TASOR: variants seen among roughly 807,000 people sequenced by gnomAD.
TASOR encodes the protein protein TASOR.
TASOR carries 53 observed loss-of-function variants against 178.6 expected under a neutral mutation model. The ratio of observed to expected loss-of-function variants is 0.30; its 90% CI spans 0.24 to 0.37. The LOEUF is 0.37. Among genes scored for constraint, TASOR ranks in the 10% least tolerant of loss-of-function variants. TASOR has a pLI of 1.00. For missense variants in TASOR, 1,815 were observed against 1,971.4 expected (o/e 0.92, Z 1.50); for synonymous variants, 713 against 696.2 (o/e 1.02, Z -0.38).
intron 6 of TASOR, among the ~76,000 whole-genome samples, chr3:56,667,033 T>C (rs2107622044): frequency 6.6e-6 from 1 of 152,188 alleles, no homozygotes; most frequent in East Asian, 1.9e-4. Flanking sequence ...ACTATTGATT[T>C]CAATAATGTT....
At chr3:56,676,696 T>TTA (rs2031329458) in intron 1 of TASOR, among the ~76,000 whole-genome samples, 1 of 152,210 alleles carries the variant, frequency 6.6e-6, no homozygotes, top group Non-Finnish European at 1.5e-5. Flanking sequence ...GAAATTTTCA[T>TTA]TAGTTAAGCT....
intron 14 of TASOR, among the ~76,000 whole-genome samples, chr3:56,642,959 G>A (rs1047072622): frequency 6.6e-6 from 1 of 151,808 alleles, no homozygotes; most frequent in Admixed American, 6.6e-5. Flanking sequence ...CTGGGCAACA[G>A]AGCGAGACTC....
chr3:56,641,247 T>C, intron 15 of TASOR, 102 bp downstream of exon 15: 1 of 1,228,820 alleles, frequency 8.1e-7, no homozygotes, highest in Non-Finnish European at 1.1e-6. Flanking sequence ...GTGCATTTTA[T>C]TTCTTTTTCA....
intron 11 of TASOR, among the ~76,000 whole-genome samples, chr3:56,652,709 G>T (rs1384622216): frequency 1.3e-5 from 2 of 152,062 alleles, no homozygotes; most frequent in East Asian, 3.8e-4. Flanking sequence ...ACTTCTGAAA[G>T]ACTTAACAAG....
At chr3:56,632,484 A>C (rs956266278) in intron 18 of TASOR, among the ~76,000 whole-genome samples, 24 of 137,014 alleles carry the variant, frequency 1.8e-4, no homozygotes, top group Non-Finnish European at 3.6e-4. Flanking sequence ...CAAAAAAAAA[A>C]ACAAAAATCC....
At position 56,620,421 on chromosome 3, in the gene TASOR, A is replaced by G. The variant is rs1359012493; in HGVS notation, c.*2616T>C. ...TCTCTGATTAAAACAAACAGGTAAC[A>G]TCCTTACACCTTTGCTCCATCCCTT... On this transcript the variant is annotated 3_prime_UTR_variant, in exon 24 of 24. Transcript: ENST00000683822. 3 of 153,326 alleles carry G rather than the reference A, an allele frequency of 2.0e-5. No individual in the cohort carries two copies. Among genetic ancestry groups the G allele is most frequent in the Admixed American group, 1.9e-4 (3 of 15,432 alleles). The allele number at this position is 153,326 out of a possible 1,614,324, so 9.5% of individuals were successfully genotyped here.
In TASOR at chr3:56,623,164, C is replaced by G. The variant is rs755509938; in HGVS notation, c.4886G>C (p.Ser1629Thr). 6.2e-7 allele frequency: 1 copy of G among 1,613,762 alleles called. No homozygotes were observed. Among genetic ancestry groups the G allele is most frequent in the South Asian group, 1.1e-5 (1 of 91,070 alleles). Residue 1629 changes from serine to threonine, a missense_variant, in exon 24 of 24, where the codon AGT becomes ACT. Physicochemically the swap from Ser to Thr is moderately conservative, Grantham distance 58. Around this residue, in one of 5 missense-constraint regions of TASOR, gnomAD observed 278 missense variants for 257.1 expected, o/e 1.08. Coordinates refer to ENST00000683822, the MANE Select transcript of TASOR (RefSeq NM_001365635.2). Reference sequence around the variant, plus strand: ...GTAATTCTCATTTTCTTGAGACTGACTTGATGAAAGGGCATATGGTGTCCC... The same window carrying G: ...GTAATTCTCATTTTCTTGAGACTGAGTTGATGAAAGGGCATATGGTGTCCC... ...FLGTPYALSSSQSQENENYFL... is the reference protein window; with the variant it reads ...FLGTPYALSSTQSQENENYFL...
intron 8 of TASOR, among the ~76,000 whole-genome samples, chr3:56,662,845 T>A (rs556849832): frequency 2.6e-5 from 4 of 152,180 alleles, no homozygotes; most frequent in Non-Finnish European, 2.9e-5. Flanking sequence ...ATGCCTACAG[T>A]GTCCTGTATC....
chr3:56,681,020 T>C (rs1437169675), intron 1 of TASOR, among the ~76,000 whole-genome samples: 4 of 151,672 alleles, frequency 2.6e-5, no homozygotes, highest in Non-Finnish European at 5.9e-5. Flanking sequence ...CAGTTCCTAC[T>C]GCCTTCCCAC....
Position 56,647,128 on chromosome 3 carries a change from G to A in TASOR, c.1609C>T (p.Gln537Ter). 6.2e-7 allele frequency: 1 copy of A among 1,605,098 alleles called. No individual in the cohort carries two copies. The highest frequency in any genetic ancestry group is 8.5e-7 in the Non-Finnish European group (1 of 1,178,000). ...IAQFLQFSLI[Q>*]CRKEFKNISA... The stretch of plus-strand genomic sequence containing the variant: ...ATATTTTTGAATTCCTTTCGACACT[G>A]AATCAAAGAAAATTGTAAAAACTGA... Residue 537 changes from glutamine (Q) to a stop codon, truncating the protein, a stop_gained, in exon 14 of 24, where the codon CAG becomes TAG. Coordinates refer to ENST00000683822, the MANE Select transcript of TASOR (RefSeq NM_001365635.2). LOFTEE classifies it high-confidence loss of function.
intron 7 of TASOR, among the ~76,000 whole-genome samples, chr3:56,665,494 C>G (rs918731181): frequency 6.6e-6 from 1 of 152,030 alleles, no homozygotes; most frequent in African/African-American, 2.4e-5. Context: ...GTAGCTAGGA[C>G]TACAGGCACG....
In TASOR at chr3:56,683,261, C is replaced by CG. The variant is rs150516624; in HGVS notation, c.-256dup. The stretch of plus-strand genomic sequence containing the variant: ...CTGCCTTCCCCCGCCACTCAACGTG[C>CG]GCGCGTCGGGGCCGGGAGGGGGCGG... On this transcript the variant is annotated 5_prime_UTR_variant, in exon 1 of 24. Coordinates refer to ENST00000683822, the MANE Select transcript of TASOR (RefSeq NM_001365635.2). 0.05 allele frequency: 20,471 copies of CG among 410,668 alleles called. 603 individuals carry two copies. Among genetic ancestry groups the CG allele is most frequent in the East Asian group, 0.092 (2,473 of 26,920 alleles). 25.4% of individuals were successfully genotyped at this position (410,668 alleles called of 1,614,324 possible).
rs1172311699 is a variant in TASOR, at chr3:56,662,386, G to A, written c.1159C>T (p.Leu387=). The A allele has an allele frequency of 6.5e-7, 1 of 1,528,512 alleles. No individual in the cohort carries two copies. The highest frequency in any genetic ancestry group is 8.9e-7 in the Non-Finnish European group (1 of 1,126,966). The allele number at this position is 1,528,512 out of a possible 1,614,324, so 94.7% of individuals were successfully genotyped here. Residue 387 remains leucine, a splice_region_variant and synonymous_variant, in exon 9 of 24, where the codon CTA becomes TTA. Transcript: ENST00000683822. The part of the protein sequence containing the change: ...SATRAFLPIK[L]PEKLDVETVM... ...GAACTGCTCTTTACTTATACTTACAGTTTGATAGGCAAAAAAGCACGAGTG... is the reference window on the plus strand; with the variant it reads ...GAACTGCTCTTTACTTATACTTACAATTTGATAGGCAAAAAAGCACGAGTG...
intron 5 of TASOR, among the ~76,000 whole-genome samples, chr3:56,668,979 A>AC (rs1201253804): frequency 6.6e-6 from 1 of 152,114 alleles, no homozygotes; most frequent in Non-Finnish European, 1.5e-5. Context: ...TCTCCAAAAA[A>AC]TAAATAAAAT....
chr3:56,623,871 G>T, intron 23 of TASOR: 1 of 1,529,844 alleles, frequency 6.5e-7, no homozygotes, highest in South Asian at 1.2e-5. Context: ...TTCAGTATTT[G>T]ACAAGACAAA....
chr3:56,633,227 T>G lies in TASOR; in HGVS notation c.3564A>C (p.Glu1188Asp). ...VPGDMAREPV[E>D]ETTKSPSDVN... is the part of the protein sequence containing the mutation. Reference sequence around the variant, plus strand: ...CATCACTGGGGGATTTTGTTGTTTCTTCTACTGGTTCCCGGGCCATATCAC... The same window carrying G: ...CATCACTGGGGGATTTTGTTGTTTCGTCTACTGGTTCCCGGGCCATATCAC... The change falls in exon 18 of 24, where the codon GAA (glutamate) becomes GAC (aspartate). Residue 1188 changes from glutamate (E) to aspartate (D), a missense_variant. This residue lies in a region of TASOR where 655 missense variants were observed against 671.1 expected (regional missense o/e 0.98). Transcript: ENST00000683822. 6.2e-7 allele frequency: 1 copy of G among 1,614,186 alleles called. No homozygotes were observed. The highest frequency in any genetic ancestry group is 8.5e-7 in the Non-Finnish European group (1 of 1,180,028).
intron 8 of TASOR, among the ~76,000 whole-genome samples, chr3:56,663,308 G>A (rs1478997754): frequency 6.6e-6 from 1 of 152,156 alleles, no homozygotes; most frequent in Non-Finnish European, 1.5e-5. Flanking sequence ...TATGAAACCT[G>A]TTTTATTTTT....
chr3:56,624,487 G>A lies in TASOR; in HGVS notation c.4475C>T (p.Ser1492Leu), dbSNP rs149212000. 195 of 1,612,126 alleles carry A rather than the reference G, an allele frequency of 1.2e-4. No individual in the cohort carries two copies. The highest frequency in any genetic ancestry group is 1.4e-4 in the Non-Finnish European group (165 of 1,179,386). ...AACCACTGAAAAGTTACCTGACTGC[G>A]ACTCAAGATTCTCATTAGCACCAAG... ...PQLGANENLESQSALLENDEK... is the reference protein window; with the variant it reads ...PQLGANENLELQSALLENDEK... Residue 1492 changes from serine to leucine, a missense_variant, in exon 23 of 24, where the codon TCG (serine) becomes TTG (leucine). Physicochemically the swap from Ser to Leu is moderately radical, Grantham distance 145. Around this residue, in one of 5 missense-constraint regions of TASOR, gnomAD observed 278 missense variants for 257.1 expected, o/e 1.08. Transcript: ENST00000683822.
rs2076826818 is a variant in TASOR at position 56,627,592 on chromosome 3, A to C, written c.4020T>G (p.Val1340=). The C allele has an allele frequency of 1.2e-6, 2 of 1,614,066 alleles. No homozygotes were observed. The highest frequency in any genetic ancestry group is 1.7e-6 in the Non-Finnish European group (2 of 1,179,976). The change falls in exon 20 of 24, where the codon GTT becomes GTG. Residue 1340 remains valine, a synonymous_variant. Transcript: ENST00000683822. The stretch of plus-strand genomic sequence containing the variant: ...AGAACATCATCTTACCAACTGTGAC[A>C]ACCTCTGGGTTTAGAATTGATTCAT... ...VSDESILNPE[V]VTVENLKNFL... is the part of the protein sequence containing the mutation.
Sources: allele counts gnomAD v4.1 joint callset (sites outside exome capture counted in the v4.1 genomes callset), GRCh38; gene constraint gnomAD v4.1.1; regional missense constraint gnomAD v4.1.1; transcripts MANE v1.5; gene names NCBI Gene and HGNC (gene_info 2026-07-23, HGNC 2026-07-21).